Variants in PIP5K1B observed in about 807,000 individuals in gnomAD.
The protein encoded by PIP5K1B is phosphatidylinositol-4-phosphate 5-kinase type 1 beta.
In PIP5K1B, 42 loss-of-function variants were observed where a neutral mutation model predicts 67.0. That is an observed-to-expected ratio of 0.63 (90% CI 0.49 to 0.81). The LOEUF (loss-of-function observed/expected upper bound fraction) is 0.81, where lower values mean the gene tolerates loss of function less well. PIP5K1B is among the 30% of genes least tolerant of loss of function. The pLI, the probability that PIP5K1B is intolerant of heterozygous loss-of-function variation, is 0.00. For missense variants in PIP5K1B, 459 were observed against 646.3 expected, an observed-to-expected ratio of 0.71 and a Z score of 3.14; for synonymous variants, 214 against 231.4, an observed-to-expected ratio of 0.92 and a Z score of 0.68.
intron 9 of PIP5K1B, among the ~76,000 whole-genome samples, 198 bp downstream of exon 9, chr9:68,917,957 C>A (rs1027555264): frequency 6.6e-6 from 1 of 152,182 alleles, no homozygotes. Flanking sequence ...GTTATTACTC[C>A]TTCACCCACT....
chr9:68,713,760 G>A (rs1827506273), intron 1 of PIP5K1B, among the ~76,000 whole-genome samples: 1 of 152,124 alleles, frequency 6.6e-6, no homozygotes, highest in Non-Finnish European at 1.5e-5. Flanking sequence ...GCCAAGTGAT[G>A]GGTATTATGG....
chr9:68,968,713 A>AT (rs146620576), intron 14 of PIP5K1B, among the ~76,000 whole-genome samples: 15,229 of 142,772 alleles, frequency 0.11, 1,015 homozygotes, highest in East Asian at 0.36. Flanking sequence ...ATATATATAT[A>AT]TATTTTTTTT....
At chr9:68,986,950 T>TA (rs555981513) in intron 14 of PIP5K1B, among the ~76,000 whole-genome samples, 12 of 151,706 alleles carry the variant, frequency 7.9e-5, no homozygotes, top group South Asian at 2.1e-4. Flanking sequence ...TAGCGTCATT[T>TA]AAAAAAAAAT....
chr9:68,820,327 G>C (rs1833673525), intron 3 of PIP5K1B, among the ~76,000 whole-genome samples: 2 of 152,148 alleles, frequency 1.3e-5, no homozygotes. Context: ...GTCAATTTAA[G>C]CTGATACAGC....
chr9:68,859,864 T>C (rs1405701140), intron 4 of PIP5K1B, among the ~76,000 whole-genome samples: 21 of 152,234 alleles, frequency 1.4e-4, no homozygotes, highest in Admixed American at 1.1e-3. Flanking sequence ...AGGATGTGCC[T>C]CAGACATTTC....
At chr9:68,800,716 G>A (rs1458374710) in intron 2 of PIP5K1B, among the ~76,000 whole-genome samples, 1 of 152,160 alleles carries the variant, frequency 6.6e-6, no homozygotes, top group Non-Finnish European at 1.5e-5. Context: ...GGTTAAGTCT[G>A]CCCAGAGGTG....
chr9:68,823,771 T>C (rs904963121), intron 4 of PIP5K1B, among the ~76,000 whole-genome samples: 13 of 152,240 alleles, frequency 8.5e-5, no homozygotes, highest in Non-Finnish European at 1.9e-4. Context: ...CCTTTTATAC[T>C]TTGATGGACA....
chr9:68,739,140 T>C (rs1828881428), intron 1 of PIP5K1B, among the ~76,000 whole-genome samples: 1 of 152,264 alleles, frequency 6.6e-6, no homozygotes, highest in Non-Finnish European at 1.5e-5. Flanking sequence ...TTATGACCAT[T>C]TAATTTTGAA....
intron 4 of PIP5K1B, among the ~76,000 whole-genome samples, chr9:68,854,949 CTAAGT>C (rs1284228983): frequency 6.6e-6 from 1 of 151,954 alleles, no homozygotes; most frequent in African/African-American, 2.4e-5. Flanking sequence ...TCTTATTTTT[CTAAGT>C]TAAGGATCAC....
intron 1 of PIP5K1B, among the ~76,000 whole-genome samples, chr9:68,713,072 C>T (rs1483080082): frequency 6.6e-6 from 1 of 152,168 alleles, no homozygotes; most frequent in Admixed American, 6.5e-5. Context: ...GTCCTTAGAC[C>T]AACAGAGTCA....
At chr9:68,979,123 G>T (rs183880725) in intron 14 of PIP5K1B, among the ~76,000 whole-genome samples, 34 of 152,308 alleles carry the variant, frequency 2.2e-4, no homozygotes, top group Admixed American at 1.9e-3. Flanking sequence ...AACCATGGTT[G>T]CTGGGGATAA....
At chr9:68,796,168 T>G (rs1435893335) in intron 2 of PIP5K1B, among the ~76,000 whole-genome samples, 1 of 152,250 alleles carries the variant, frequency 6.6e-6, no homozygotes, top group African/African-American at 2.4e-5. Context: ...TAAACAGCTT[T>G]TATTCCCCAT....
At chr9:68,933,031 C>T (rs893428796) in intron 12 of PIP5K1B, among the ~76,000 whole-genome samples, 6 of 150,382 alleles carry the variant, frequency 4.0e-5, no homozygotes, top group Admixed American at 2.0e-4. Flanking sequence ...ACCTGGGAGG[C>T]GGAGGTTGCA....
chr9:68,953,805 T>TAAAAAAAA (rs71353095), intron 14 of PIP5K1B, among the ~76,000 whole-genome samples: 1 of 108,608 alleles, frequency 9.2e-6, no homozygotes, highest in East Asian at 2.3e-4. Flanking sequence ...GACTCTGTCT[T>TAAAAAAAA]AAAAAAAAAA....
intron 14 of PIP5K1B, among the ~76,000 whole-genome samples, chr9:68,945,836 C>A (rs1212831158): frequency 1.3e-5 from 2 of 152,186 alleles, no homozygotes; most frequent in Non-Finnish European, 2.9e-5. Flanking sequence ...TTAGATGATG[C>A]TTTTAATGGA....
intron 15 of PIP5K1B, among the ~76,000 whole-genome samples, chr9:69,002,417 A>G (rs1830862474): frequency 6.6e-6 from 1 of 152,146 alleles, no homozygotes; most frequent in African/African-American, 2.4e-5. Flanking sequence ...TCTTCTGTTC[A>G]CACTGCTATG....
chr9:68,837,737 G>A (rs946952936), intron 4 of PIP5K1B, among the ~76,000 whole-genome samples: 2 of 147,046 alleles, frequency 1.4e-5, no homozygotes, highest in Non-Finnish European at 3.0e-5. Context: ...TTAATAATTT[G>A]TAATGCAAGA....
chr9:68,716,837 C>G (rs1303589215), intron 1 of PIP5K1B, among the ~76,000 whole-genome samples: 1 of 152,112 alleles, frequency 6.6e-6, no homozygotes, highest in Non-Finnish European at 1.5e-5. Context: ...AAGGAATCAA[C>G]CTAGGTGACC....
At position 69,009,068 on chromosome 9, in the gene PIP5K1B, A is replaced by G; in HGVS notation, c.*619A>G. On this transcript the variant is annotated 3_prime_UTR_variant, in exon 16 of 16. Coordinates refer to ENST00000265382, the MANE Select transcript of PIP5K1B (RefSeq NM_003558.4). ...GTCGTGTACATACATTGTCTTTGAA[A>G]TATTTGTGATCTAGTTTATTGCTTG... 6.5e-6 allele frequency: 1 copy of G among 152,694 alleles called. No homozygotes were observed. The highest frequency in any genetic ancestry group is 2.4e-5 in the African/African-American group (1 of 41,476). The allele number at this position is 152,694 out of a possible 1,614,324, so 9.5% of individuals were successfully genotyped here. A position where few individuals can be genotyped will look rare whatever the true frequency, so the allele number is the denominator to read the frequency against.
Sources: gnomAD v4.1 joint callset for allele counts (sites outside exome capture counted in the v4.1 genomes callset) on GRCh38, gnomAD v4.1.1 for gene constraint, MANE v1.5 for transcripts, NCBI Gene and HGNC (gene_info 2026-07-23, HGNC 2026-07-21) for gene names.